AHRR: variants seen among roughly 807,000 people sequenced by gnomAD.
AHRR encodes the protein ahR repressor.
AHRR carries 28 observed loss-of-function variants against 44.0 expected under a neutral mutation model. The ratio of observed to expected loss-of-function variants is 0.64; its 90% CI spans 0.47 to 0.87. AHRR has a LOEUF of 0.87. AHRR is among the 40% of genes least tolerant of loss of function. AHRR has a pLI of 0.00. For synonymous variants in AHRR, 434 were observed against 407.0 expected (o/e 1.07, Z -0.80); for missense variants, 990 against 953.9 (o/e 1.04, Z -0.50).
At chr5:365,400 G>A (rs570171160) in intron 3 of AHRR, among the ~76,000 whole-genome samples, 14 of 152,102 alleles carry the variant, frequency 9.2e-5, no homozygotes, top group African/African-American at 2.2e-4. Context: ...TGTATATAAC[G>A]CATAGGTCAA....
At chr5:421,257 G>A (rs947607112) in intron 5 of AHRR, 5 of 697,568 alleles carry the variant, frequency 7.2e-6, no homozygotes, top group African/African-American at 7.1e-5. Context: ...GCCACGGAGC[G>A]GATGCCGTGT....
chr5:413,769 C>T (rs962844005), intron 5 of AHRR, among the ~76,000 whole-genome samples: 23 of 152,200 alleles, frequency 1.5e-4, no homozygotes, highest in African/African-American at 4.8e-4. Flanking sequence ...TCCCAGGCAA[C>T]GTCTTAAGCC....
intron 1 of AHRR, among the ~76,000 whole-genome samples, chr5:325,567 C>G (rs7724253): frequency 0.64 from 97,771 of 151,958 alleles, 32,083 homozygotes; most frequent in African/African-American, 0.71. Context: ...ATGATGGAGA[C>G]GAGGCTGGGC....
intron 3 of AHRR, 51 bp from the exon 4 acceptor site, chr5:376,559 T>TGAATGAATGAGACCCGTGGGGTGAACGC: frequency 8.3e-6 from 2 of 241,104 alleles, no homozygotes; most frequent in East Asian, 7.6e-5. Context: ...TGAAGAAGAG[T>TGAATGAATGAGACCCGTGGGGTGAACGC]GGCCAGGCCA....
Position 404,348 on chromosome 5 carries a change from C to CT in AHRR, c.352-8990dup. ...AAAGCTGTTTCACTCTTTTTTTTTTCTTTTTTCCTTCATTCTGGGTGTCTT... is the reference window on the plus strand; with the variant it reads ...AAAGCTGTTTCACTCTTTTTTTTTTCTTTTTTTCCTTCATTCTGGGTGTCTT... On this transcript the variant is annotated intron_variant, in intron 4 of 10. Transcript: ENST00000684583. This position sits in a 1 kb window ranked among gnomAD's most constrained non-coding sequence, Gnocchi z 4.1. The CT allele has an allele frequency of 4.5e-6, 2 of 449,086 alleles. No homozygotes were observed. Among genetic ancestry groups the CT allele is most frequent in the South Asian group, 3.5e-5 (2 of 57,728 alleles). The allele number at this position is 449,086 out of a possible 1,614,324, so 27.8% of individuals were successfully genotyped here.
chr5:424,632 A>T (rs746460254), intron 7 of AHRR, among the ~76,000 whole-genome samples: 25 of 152,152 alleles, frequency 1.6e-4, no homozygotes, highest in Non-Finnish European at 3.1e-4. Flanking sequence ...TTGTACCTTT[A>T]TTTAAAACTT....
chr5:432,994 T>C (rs1172125899), intron 10 of AHRR, 47 bp downstream of exon 10: 1 of 1,527,940 alleles, frequency 6.5e-7, no homozygotes, highest in East Asian at 2.3e-5. Context: ...GCTCCCTAAG[T>C]CACCGTGGAG....
rs117433882 is a variant in AHRR at position 324,369 on chromosome 5, G to A, written c.-11+2550G>A. On this transcript the variant is annotated intron_variant, in intron 1 of 10. Coordinates refer to ENST00000684583, the MANE Select transcript of AHRR (RefSeq NM_001377236.1). ...CAGACATGAGCCACCACGCCCAGCC[G>A]CCTAGCTGTTTCAATGCGATGAGTT... 2.5e-4 allele frequency among the ~76,000 whole-genome samples: 37 copies of A among 150,476 alleles called. 1 individual carries two copies. In the East Asian group the frequency reaches 7.1e-3, roughly 29 times the overall value.
At chr5:347,769 C>A (rs915184296) in intron 2 of AHRR, among the ~76,000 whole-genome samples, 3 of 152,188 alleles carry the variant, frequency 2.0e-5, no homozygotes, top group Non-Finnish European at 4.4e-5. Flanking sequence ...CCTCTAGGGA[C>A]CCACTCTGGG....
chr5:375,853 C>T lies in AHRR; in HGVS notation c.245-757C>T, dbSNP rs1044040381. On this transcript the variant is annotated intron_variant, in intron 3 of 10. Coordinates refer to ENST00000684583, the MANE Select transcript of AHRR (RefSeq NM_001377236.1). Reference sequence around the variant, plus strand: ...CCTGTGCTGGGTCCGGAACTCAGCCCTTGGTCAGTCTGGAAGGTGAACGTG... The same window carrying T: ...CCTGTGCTGGGTCCGGAACTCAGCCTTTGGTCAGTCTGGAAGGTGAACGTG... Among the ~76,000 whole-genome samples, 6 of 152,288 alleles carry T rather than the reference C, an allele frequency of 3.9e-5. No homozygotes were observed. The South Asian group carries it at 1.2e-3, about 32-fold the overall frequency.
chr5:361,305 G>C (rs1029808785), intron 3 of AHRR, among the ~76,000 whole-genome samples: 1 of 152,208 alleles, frequency 6.6e-6, no homozygotes, highest in African/African-American at 2.4e-5. Flanking sequence ...TAGGGAGACT[G>C]GGTGTGAGCC....
At chr5:351,958 C>A (rs1742872636) in intron 2 of AHRR, among the ~76,000 whole-genome samples, 1 of 152,226 alleles carries the variant, frequency 6.6e-6, no homozygotes, top group Admixed American at 6.5e-5. Flanking sequence ...ACCCAAACCC[C>A]TGGAAACAGC....
At chr5:322,825 C>T (rs1741548531) in intron 1 of AHRR, among the ~76,000 whole-genome samples, 1 of 152,218 alleles carries the variant, frequency 6.6e-6, no homozygotes, top group Non-Finnish European at 1.5e-5. Context: ...GCTGACCCGG[C>T]GGACGCCGCC....
chr5:344,806 T>G (rs1411034573), intron 2 of AHRR, among the ~76,000 whole-genome samples: 8 of 107,590 alleles, frequency 7.4e-5, no homozygotes, highest in Non-Finnish European at 8.4e-5. Context: ...TGTGAGACTG[T>G]GTGTGCGGGT....
At chr5:426,258 A>G (rs1283936117) in intron 7 of AHRR, among the ~76,000 whole-genome samples, 5 of 152,124 alleles carry the variant, frequency 3.3e-5, no homozygotes, top group Non-Finnish European at 7.4e-5. Flanking sequence ...AGATGGATGG[A>G]TGGATGGATG....
chr5:330,444 G>A (rs753387041), intron 1 of AHRR, among the ~76,000 whole-genome samples: 12 of 152,044 alleles, frequency 7.9e-5, no homozygotes, highest in Non-Finnish European at 1.5e-4. Flanking sequence ...CACCATCTTG[G>A]CTCACTGTAA....
In AHRR at chr5:406,371, A is replaced by C. The variant is rs1421757431; in HGVS notation, c.352-6973A>C. On this transcript the variant is annotated intron_variant, in intron 4 of 10. Coordinates refer to ENST00000684583, the MANE Select transcript of AHRR (RefSeq NM_001377236.1). This position sits in a 1 kb window ranked among gnomAD's most constrained non-coding sequence, Gnocchi z 4.7. ...GTCCCCAATCCCCAGCCCCTACCTC[A>C]TAGGCCAAATCACTCCATGTGGGAG... 6.6e-6 allele frequency among the ~76,000 whole-genome samples: 1 copy of C among 152,176 alleles called. No homozygotes were observed. The highest frequency in any genetic ancestry group is 2.4e-5 in the African/African-American group (1 of 41,442).
chr5:404,819 G>A lies in AHRR; in HGVS notation c.352-8525G>A, dbSNP rs1343184223. On this transcript the variant is annotated intron_variant, in intron 4 of 10. Transcript: ENST00000684583. The surrounding 1 kb of genome is among the most constrained non-coding windows in gnomAD (Gnocchi z 4.1). ...TCGGAGGTGGCGCAGGACATGGTGA[G>A]ATGATTATCCAGCTTGCTAATCTGC... is the stretch of plus-strand genomic sequence containing the variant. Among the ~76,000 whole-genome samples, 1 of 152,150 alleles carries A rather than the reference G, an allele frequency of 6.6e-6. No individual in the cohort carries two copies. The highest frequency in any genetic ancestry group is 1.5e-5 in the Non-Finnish European group (1 of 68,034).
At chr5:432,390 T>C in intron 8 of AHRR, 73 bp from the exon 9 acceptor site, 3 of 1,456,580 alleles carry the variant, frequency 2.1e-6, no homozygotes, top group Non-Finnish European at 2.9e-6. Context: ...ATTTCTACCA[T>C]CAAAACATGT....
Sources: gnomAD v4.1 joint callset for allele counts (sites outside exome capture counted in the v4.1 genomes callset) on GRCh38, gnomAD v4.1.1 for gene constraint, Gnocchi (gnomAD v3.1) non-coding constraint, MANE v1.5 for transcripts, NCBI Gene and HGNC (gene_info 2026-07-23, HGNC 2026-07-21) for gene names.